LPP: variants seen among roughly 807,000 people sequenced by gnomAD.
The protein encoded by LPP is lipoma-preferred partner.
LPP carries 38 observed loss-of-function variants against 60.4 expected under a neutral mutation model. The observed-to-expected ratio is 0.63, with a 90% CI of 0.49 to 0.83. LPP has a LOEUF of 0.83. Among genes scored for constraint, LPP ranks in the 40% least tolerant of loss-of-function variants. The pLI is 0.00. For synonymous variants in LPP, 328 were observed against 290.8 expected (o/e 1.13, Z -1.30); for missense variants, 902 against 783.6 (o/e 1.15, Z -1.80).
At chr3:188,625,886 T>C (rs1846743048) in intron 7 of LPP, among the ~76,000 whole-genome samples, 1 of 152,198 alleles carries the variant, frequency 6.6e-6, no homozygotes, top group African/African-American at 2.4e-5. Flanking sequence ...ATTTGGTAGT[T>C]ATGATGTAAA....
chr3:188,371,938 G>A (rs1004414688), intron 3 of LPP, among the ~76,000 whole-genome samples: 7 of 151,036 alleles, frequency 4.6e-5, no homozygotes, highest in Non-Finnish European at 8.8e-5. Context: ...GATTACAGAC[G>A]TGAGCCACTA....
intron 10 of LPP, among the ~76,000 whole-genome samples, chr3:188,869,755 G>A (rs1440926696): frequency 6.6e-6 from 1 of 152,198 alleles, no homozygotes; most frequent in African/African-American, 2.4e-5. Flanking sequence ...GTGTAACAAG[G>A]TTCTGGAATA....
chr3:188,161,333 A>G (rs1326995892), intron 1 of LPP, among the ~76,000 whole-genome samples: 4 of 152,360 alleles, frequency 2.6e-5, no homozygotes, highest in Non-Finnish European at 5.9e-5. Context: ...GTATCGGGTC[A>G]GCAGCGTACG....
chr3:188,642,940 GA>G (rs113367421), intron 7 of LPP, among the ~76,000 whole-genome samples: 4 of 149,028 alleles, frequency 2.7e-5, no homozygotes, highest in African/African-American at 9.9e-5. Context: ...CCATCTCAGG[GA>G]AAAAAAAAAA....
intron 1 of LPP, among the ~76,000 whole-genome samples, chr3:188,211,786 A>G (rs1180861563): frequency 6.6e-6 from 1 of 151,628 alleles, no homozygotes; most frequent in Non-Finnish European, 1.5e-5. Flanking sequence ...TCCCAGACCA[A>G]GAGACTCTGG....
At chr3:188,785,898 T>C (rs141773946) in intron 9 of LPP, among the ~76,000 whole-genome samples, 13 of 152,228 alleles carry the variant, frequency 8.5e-5, no homozygotes, top group Admixed American at 8.5e-4. Context: ...GATCATTTTC[T>C]TTCTCAATTT....
At chr3:188,616,044 C>T (rs1304556361) in intron 7 of LPP, among the ~76,000 whole-genome samples, 2 of 152,116 alleles carry the variant, frequency 1.3e-5, no homozygotes, top group African/African-American at 4.8e-5. Context: ...GTTGCCTATT[C>T]ACTCTGATGA....
chr3:188,436,064 G>A (rs779032388), intron 4 of LPP, among the ~76,000 whole-genome samples: 2 of 152,168 alleles, frequency 1.3e-5, no homozygotes, highest in Non-Finnish European at 2.9e-5. Flanking sequence ...ATAATATGGT[G>A]TTTTACATTC....
At chr3:188,848,481 CG>C (rs67130455) in intron 9 of LPP, among the ~76,000 whole-genome samples, 15,325 of 152,268 alleles carry the variant, frequency 0.1, 1,032 homozygotes, top group Middle Eastern at 0.16. Flanking sequence ...AGCAGGGCAG[CG>C]TGTCAAGATG....
chr3:188,200,069 A>T (rs1163816320), intron 1 of LPP, among the ~76,000 whole-genome samples: 4 of 152,098 alleles, frequency 2.6e-5, no homozygotes, highest in Non-Finnish European at 5.9e-5. Flanking sequence ...AGAAGCTTTT[A>T]GATATAGACA....
chr3:188,718,787 T>C (rs4686492), intron 8 of LPP, among the ~76,000 whole-genome samples: 77,249 of 152,040 alleles, frequency 0.51, 20,816 homozygotes, highest in East Asian at 0.74. Flanking sequence ...TAGTAAACTA[T>C]AGGGAGGAAA....
At chr3:188,512,407 C>A (rs1196977126) in intron 5 of LPP, among the ~76,000 whole-genome samples, 1 of 151,970 alleles carries the variant, frequency 6.6e-6, no homozygotes, top group African/African-American at 2.4e-5. Flanking sequence ...ACAAAATTAG[C>A]CAGGCGTGTT....
At chr3:188,670,891 T>G (rs1856826939) in intron 7 of LPP, among the ~76,000 whole-genome samples, 1 of 152,224 alleles carries the variant, frequency 6.6e-6, no homozygotes, top group Non-Finnish European at 1.5e-5. Context: ...GTTGCCATCC[T>G]AAGACTTCCA....
intron 6 of LPP, among the ~76,000 whole-genome samples, chr3:188,602,043 G>C (rs1445693151): frequency 6.9e-6 from 1 of 145,060 alleles, no homozygotes; most frequent in Non-Finnish European, 1.5e-5. Flanking sequence ...ACTCCAGCCT[G>C]GGTGACAGAG....
At chr3:188,587,721 T>C (rs1837787219) in intron 6 of LPP, among the ~76,000 whole-genome samples, 1 of 152,222 alleles carries the variant, frequency 6.6e-6, no homozygotes, top group South Asian at 2.1e-4. Context: ...TGATGCAATG[T>C]ACTCAGGACT....
At chr3:188,663,936 G>A (rs191596298) in intron 7 of LPP, among the ~76,000 whole-genome samples, 23 of 152,336 alleles carry the variant, frequency 1.5e-4, no homozygotes, top group African/African-American at 5.5e-4. Flanking sequence ...AGCTCCGGCT[G>A]TAATGCTGGC....
intron 9 of LPP, among the ~76,000 whole-genome samples, chr3:188,820,933 A>G (rs2151443486): frequency 6.6e-6 from 1 of 152,192 alleles, no homozygotes; most frequent in East Asian, 1.9e-4. Flanking sequence ...GTTTTCCATC[A>G]TGTCCATGTC....
chr3:188,586,052 T>A (rs1837359957), intron 6 of LPP, among the ~76,000 whole-genome samples: 1 of 152,228 alleles, frequency 6.6e-6, no homozygotes, highest in Non-Finnish European at 1.5e-5. Flanking sequence ...GTACAACAAG[T>A]TAAATTGCTA....
intron 5 of LPP, among the ~76,000 whole-genome samples, chr3:188,505,800 C>T (rs1813278206): frequency 6.6e-6 from 1 of 152,182 alleles, no homozygotes; most frequent in South Asian, 2.1e-4. Context: ...TGCCTTCATT[C>T]TATCTTTTTC....
Sources: gnomAD v4.1 joint callset for allele counts (sites outside exome capture counted in the v4.1 genomes callset) on GRCh38, gnomAD v4.1.1 for gene constraint, MANE v1.5 for transcripts, NCBI Gene and HGNC (gene_info 2026-07-23, HGNC 2026-07-21) for gene names.